Variants in EIF3L observed in about 807,000 individuals in gnomAD.
EIF3L encodes eIEF associated protein HSPC021.
A neutral mutation model predicts 74.6 loss-of-function variants in EIF3L; 32 were observed. The ratio of observed to expected loss-of-function variants is 0.43; its 90% confidence interval spans 0.32 to 0.58. EIF3L has a LOEUF of 0.58. Among genes scored for constraint, EIF3L ranks in the 20% least tolerant of loss-of-function variants. The pLI, the probability that EIF3L is intolerant of heterozygous loss-of-function variation, is 0.06. For synonymous variants in EIF3L, 256 were observed against 254.4 expected (o/e 1.01, Z -0.06); for missense variants, 474 against 707.8 (o/e 0.67, Z 3.75).
At chr22:37,886,970 C>A in intron 12 of EIF3L, 125 bp downstream of exon 12, 1 of 729,168 alleles carries the variant, frequency 1.4e-6, no homozygotes, top group Non-Finnish European at 2.2e-6. Context: ...GTGCTGTCAC[C>A]CATGCTGGAG....
At chr22:37,862,041 G>C (rs1925885216) in intron 5 of EIF3L, among the ~76,000 whole-genome samples, 1 of 152,134 alleles carries the variant, frequency 6.6e-6, no homozygotes, top group Non-Finnish European at 1.5e-5. Flanking sequence ...TTGCCATGTT[G>C]CCCAGCCTGT....
At chr22:37,853,718 TC>T (rs1925350174) in intron 3 of EIF3L, among the ~76,000 whole-genome samples, 1 of 152,226 alleles carries the variant, frequency 6.6e-6, no homozygotes, top group Non-Finnish European at 1.5e-5. Flanking sequence ...CTATATGTAA[TC>T]AGTATTTAAA....
chr22:37,852,981 C>T (rs1425711312), intron 3 of EIF3L, among the ~76,000 whole-genome samples: 3 of 152,150 alleles, frequency 2.0e-5, no homozygotes. Flanking sequence ...AGGTTAGCAG[C>T]TGAAGGGTGT....
chr22:37,863,852 T>C (rs1231142176), intron 7 of EIF3L, among the ~76,000 whole-genome samples: 2 of 151,692 alleles, frequency 1.3e-5, no homozygotes, highest in Non-Finnish European at 2.9e-5. Flanking sequence ...GATCACGAGG[T>C]CAGGAGATCA....
intron 6 of EIF3L, 92 bp from the exon 7 acceptor site, chr22:37,863,180 C>T: frequency 8.0e-7 from 1 of 1,243,030 alleles, no homozygotes; most frequent in East Asian, 2.4e-5. Context: ...ATTCATGGTC[C>T]TTTTAAGAGA....
chr22:37,850,203 G>C, intron 2 of EIF3L, 140 bp downstream of exon 2: 1 of 869,570 alleles, frequency 1.1e-6, no homozygotes, highest in South Asian at 1.5e-5. Flanking sequence ...CAGTGCGAGG[G>C]GTTTTATAAA....
chr22:37,875,402 A>G (rs190678862), intron 9 of EIF3L, among the ~76,000 whole-genome samples: 2 of 152,058 alleles, frequency 1.3e-5, no homozygotes, highest in East Asian at 3.9e-4. Context: ...AATTAAGTAA[A>G]GATGTAATTC....
intron 11 of EIF3L, chr22:37,880,975 G>C (rs981701173): frequency 1.3e-5 from 2 of 152,304 alleles, no homozygotes; most frequent in South Asian, 2.1e-4. Context: ...TGTTGTTATT[G>C]TACTGCAGTT....
At position 37,856,764 on chromosome 22, in the gene EIF3L, A is replaced by G. The variant is rs544811839; in HGVS notation, c.373+1120A>G. Among the ~76,000 whole-genome samples, 3 of 151,510 alleles carry G rather than the reference A, an allele frequency of 2.0e-5. No individual in the cohort carries two copies. The East Asian group carries it at 5.9e-4, about 30-fold the overall frequency. ...GAGGTGGAGGCAGGAGAATCACTTG[A>G]ACCCGGAAGGCAGAGGTTGCGGTGA... On this transcript the variant is annotated intron_variant, in intron 4 of 12. Transcript: ENST00000652021.
rs1036212100 is a variant in EIF3L at position 37,871,874 on chromosome 22, A to G, written c.751+1527A>G. ...ACAGAGCGAGACTCTGTCTCGGGGAAAAAAAAAAAAAAAAAAAAGATATCT... is the reference window on the plus strand; with the variant it reads ...ACAGAGCGAGACTCTGTCTCGGGGAGAAAAAAAAAAAAAAAAAAGATATCT... On this transcript the variant is annotated intron_variant, in intron 8 of 12. Transcript: ENST00000652021. 3.2e-3 allele frequency among the ~76,000 whole-genome samples: 214 copies of G among 66,552 alleles called. 1 individual carries two copies. The highest frequency in any genetic ancestry group is 0.012 in the East Asian group (4 of 322). The allele number at this position is 66,552 out of a possible 152,430, so 43.7% of individuals were successfully genotyped here.
intron 7 of EIF3L, 78 bp downstream of exon 7, chr22:37,863,423 AG>A: frequency 8.3e-7 from 1 of 1,211,972 alleles, no homozygotes; most frequent in Non-Finnish European, 1.2e-6. Context: ...TGTGTAAAAA[AG>A]CTGCAGGGTG....
chr22:37,857,286 C>T (rs1407372476), intron 4 of EIF3L, among the ~76,000 whole-genome samples: 3 of 138,086 alleles, frequency 2.2e-5, no homozygotes, highest in South Asian at 2.5e-4. Flanking sequence ...AGGAGAATGG[C>T]GTGAACCCGG....
chr22:37,864,247 G>T (rs117520257), intron 7 of EIF3L, among the ~76,000 whole-genome samples: 133 of 152,256 alleles, frequency 8.7e-4, no homozygotes, highest in Non-Finnish European at 1.7e-3. Flanking sequence ...AGAGACGAGG[G>T]TCTTGCTGTG....
intron 10 of EIF3L, 42 bp from the exon 11 acceptor site, chr22:37,877,632 C>A (rs779973055): frequency 1.3e-6 from 2 of 1,542,004 alleles, no homozygotes; most frequent in Non-Finnish European, 1.7e-6. Flanking sequence ...CTCAGGAAGT[C>A]CGTCTCATTT....
At chr22:37,868,141 G>A (rs1273940659) in intron 7 of EIF3L, among the ~76,000 whole-genome samples, 2 of 125,004 alleles carry the variant, frequency 1.6e-5, no homozygotes, top group South Asian at 5.3e-4. Flanking sequence ...TTGAGACAGA[G>A]TCTCGCTCTT....
At chr22:37,852,843 GGTTA>G (rs969769773) in intron 3 of EIF3L, among the ~76,000 whole-genome samples, 41 of 146,558 alleles carry the variant, frequency 2.8e-4, no homozygotes, top group African/African-American at 1.0e-3. Flanking sequence ...TTGATCTGGG[GGTTA>G]GTTAGTGAGG....
intron 4 of EIF3L, among the ~76,000 whole-genome samples, chr22:37,857,207 A>G (rs534172088): frequency 1.9e-4 from 29 of 151,828 alleles, no homozygotes; most frequent in Admixed American, 1.7e-3. Context: ...TAAAAATGCA[A>G]AAAAGTTATC....
chr22:37,884,370 T>G (rs1281627770), intron 11 of EIF3L: 1 of 152,208 alleles, frequency 6.6e-6, no homozygotes. Context: ...TTATGAATAG[T>G]GCTGCTGTGA....
intron 11 of EIF3L, chr22:37,878,449 A>C: frequency 7.7e-6 from 2 of 259,370 alleles, no homozygotes; most frequent in African/African-American, 2.2e-5. Context: ...CAAGAGATAA[A>C]CAATAGATGG....
Sources: gnomAD v4.1 joint callset for allele counts (sites outside exome capture counted in the v4.1 genomes callset) on GRCh38, gnomAD v4.1.1 for gene constraint, MANE v1.5 for transcripts, NCBI Gene and HGNC (gene_info 2026-07-23, HGNC 2026-07-21) for gene names.